CCSER1: variants seen among roughly 807,000 people sequenced by gnomAD.
CCSER1 encodes the protein coiled-coil serine rich protein 1.
CCSER1 carries 41 observed loss-of-function variants against 82.0 expected under a neutral mutation model. That is an observed-to-expected ratio of 0.50 (90% confidence interval 0.39 to 0.65). The LOEUF (loss-of-function observed/expected upper bound fraction) is 0.65, where lower values mean the gene tolerates loss of function less well. CCSER1 is among the 30% of genes least tolerant of loss of function. CCSER1 has a pLI of 0.00. For missense variants in CCSER1, 1,119 were observed against 1,064.2 expected (o/e 1.05, Z -0.72); for synonymous variants, 414 against 383.9 (o/e 1.08, Z -0.92).
At chr4:90,713,919 A>G (rs184263892) in intron 6 of CCSER1, among the ~76,000 whole-genome samples, 4 of 151,826 alleles carry the variant, frequency 2.6e-5, no homozygotes, top group East Asian at 1.9e-4. Context: ...ATTCTTTCCT[A>G]TGCTTGATCT....
intron 3 of CCSER1, among the ~76,000 whole-genome samples, chr4:90,384,245 C>G (rs59115830): frequency 0.019 from 2,914 of 151,234 alleles, 69 homozygotes; most frequent in African/African-American, 0.06. Flanking sequence ...CACCCATTAA[C>G]TCGTCATTTA....
Position 91,604,884 on chromosome 4 carries a change from G to A in CCSER1, c.*5827G>A, listed in dbSNP as rs927872840. 18 of 151,926 alleles carry A rather than the reference G, an allele frequency of 1.2e-4. 1 individual carries two copies. Among genetic ancestry groups the A allele is most frequent in the African/African-American group, 4.1e-4 (17 of 41,508 alleles). The allele number at this position is 151,926 out of a possible 1,614,324, so 9.4% of individuals were successfully genotyped here. A position where few individuals can be genotyped will look rare whatever the true frequency, so the allele number is the denominator to read the frequency against. The stretch of plus-strand genomic sequence containing the variant: ...TACCAAAATAATGTCTGAATAAGAC[G>A]TAATCCTGTCATGAGTTCTCTCTTC... On this transcript the variant is annotated 3_prime_UTR_variant, in exon 11 of 11. Transcript: ENST00000509176.
At chr4:91,594,618 C>A (rs1764470140) in intron 10 of CCSER1, among the ~76,000 whole-genome samples, 1 of 151,592 alleles carries the variant, frequency 6.6e-6, no homozygotes. Flanking sequence ...TAAACATATT[C>A]CAAAACATGT....
chr4:90,178,263 G>A (rs550243444), intron 1 of CCSER1, among the ~76,000 whole-genome samples: 1 of 151,960 alleles, frequency 6.6e-6, no homozygotes, highest in Non-Finnish European at 1.5e-5. Context: ...GGAATTTCAT[G>A]GTTGCTTTTG....
intron 4 of CCSER1, among the ~76,000 whole-genome samples, chr4:90,410,168 A>T (rs1287160385): frequency 6.6e-6 from 1 of 152,314 alleles, no homozygotes; most frequent in South Asian, 2.1e-4. Context: ...ATAGATTCCC[A>T]CACAATAATA....
chr4:90,835,417 C>T (rs1186219636), intron 8 of CCSER1, among the ~76,000 whole-genome samples: 1 of 152,158 alleles, frequency 6.6e-6, no homozygotes, highest in Non-Finnish European at 1.5e-5. Flanking sequence ...CATATTTGAG[C>T]TTCTAAATGC....
chr4:91,431,878 T>C (rs1754347293), intron 10 of CCSER1, among the ~76,000 whole-genome samples: 1 of 152,220 alleles, frequency 6.6e-6, no homozygotes, highest in Admixed American at 6.5e-5. Flanking sequence ...AGGTTTTTTT[T>C]TTCTTTATTG....
intron 1 of CCSER1, among the ~76,000 whole-genome samples, chr4:90,283,431 C>A (rs1729238856): frequency 6.6e-6 from 1 of 151,696 alleles, no homozygotes; most frequent in South Asian, 2.1e-4. Context: ...ATATAGCATG[C>A]AATGATCAAA....
chr4:90,923,260 C>A, intron 8 of CCSER1, 110 bp from the exon 9 acceptor site: 1 of 775,638 alleles, frequency 1.3e-6, no homozygotes, highest in Non-Finnish European at 2.2e-6. Context: ...AGCATATGCA[C>A]AGAGAAGAAC....
Position 90,309,422 on chromosome 4 carries a change from C to T in CCSER1, c.1138C>T (p.Gln380Ter). 1 of 1,613,728 alleles carries T rather than the reference C, an allele frequency of 6.2e-7. No individual in the cohort carries two copies. The stretch of plus-strand genomic sequence containing the variant: ...TGAAAGAGAAGAAAATATAGGGTTA[C>T]AAAATGGTGAAACAATGCTGGGGAC... ...DSEREENIGL[Q>*]NGETMLGTNS... Residue 380 changes from glutamine (Q) to a stop codon, truncating the protein, a stop_gained, in exon 2 of 11, where the codon CAA becomes TAA. Transcript: ENST00000509176. LOFTEE classifies it high-confidence loss of function.
chr4:91,598,685 C>T lies in CCSER1; in HGVS notation c.2331C>T (p.Pro777=). The T allele has an allele frequency of 3.2e-6, 5 of 1,551,500 alleles. No homozygotes were observed. The highest frequency in any genetic ancestry group is 4.4e-6 in the Non-Finnish European group (5 of 1,146,924). The change falls in exon 11 of 11, where the codon CCC becomes CCT. Residue 777 remains proline (P), a synonymous_variant. Transcript: ENST00000509176. ...FRYSAADQTS[P]YKNKTCQLPS... is the part of the protein sequence containing the mutation. ...ATTCGGCAGCGGACCAGACAAGCCCCTACAAAAACAAGACCTGTCAACTCC... is the reference window on the plus strand; with the variant it reads ...ATTCGGCAGCGGACCAGACAAGCCCTTACAAAAACAAGACCTGTCAACTCC...
intron 1 of CCSER1, among the ~76,000 whole-genome samples, chr4:90,153,646 G>A (rs1159940156): frequency 1.3e-5 from 2 of 152,126 alleles, no homozygotes; most frequent in African/African-American, 2.4e-5. Context: ...GTGATGGTGA[G>A]CATTTTTTCA....
At chr4:90,336,438 G>T (rs562758317) in intron 3 of CCSER1, among the ~76,000 whole-genome samples, 1 of 152,278 alleles carries the variant, frequency 6.6e-6, no homozygotes, top group Admixed American at 6.5e-5. Flanking sequence ...TGACAATTCT[G>T]TGCTTTCATT....
intron 1 of CCSER1, among the ~76,000 whole-genome samples, chr4:90,162,316 A>C (rs1729601913): frequency 6.6e-6 from 1 of 152,110 alleles, no homozygotes; most frequent in Non-Finnish European, 1.5e-5. Context: ...GATCACAATA[A>C]ATGCTAATGT....
intron 10 of CCSER1, among the ~76,000 whole-genome samples, chr4:91,501,654 G>A (rs1322651499): frequency 6.6e-6 from 1 of 151,446 alleles, no homozygotes; most frequent in Non-Finnish European, 1.5e-5. Flanking sequence ...CCTTTTTTCT[G>A]TACCTATACT....
intron 5 of CCSER1, among the ~76,000 whole-genome samples, chr4:90,502,037 A>G (rs910038297): frequency 2.0e-5 from 3 of 152,216 alleles, no homozygotes; most frequent in African/African-American, 7.2e-5. Context: ...AATATTTTAC[A>G]ACATATAAAA....
intron 10 of CCSER1, among the ~76,000 whole-genome samples, chr4:91,590,001 A>G (rs1397365691): frequency 6.6e-6 from 1 of 152,002 alleles, no homozygotes; most frequent in African/African-American, 2.4e-5. Context: ...CTAATTATAA[A>G]CAGAACAGTC....
chr4:90,726,733 G>C (rs568290894), intron 7 of CCSER1, among the ~76,000 whole-genome samples: 32 of 152,184 alleles, frequency 2.1e-4, no homozygotes, highest in African/African-American at 7.0e-4. Context: ...TTGCTAGAGT[G>C]GTTTGATTGG....
In CCSER1 at chr4:90,576,905, A is replaced by G. The variant is rs143865578; in HGVS notation, c.1725-51120A>G. Among the ~76,000 whole-genome samples the G allele has an allele frequency of 6.5e-3, 988 of 152,256 alleles. 17 individuals are homozygous for G. Among genetic ancestry groups the G allele is most frequent in the African/African-American group, 0.023 (941 of 41,564 alleles). On this transcript the variant is annotated intron_variant, in intron 5 of 10. Coordinates refer to ENST00000509176, the MANE Select transcript of CCSER1 (RefSeq NM_001145065.2). ...AAATACTAAGTAGTGCAATTGCTAG[A>G]TCATATAGTAAGTAAGAGTAGATTT...
Sources: gnomAD v4.1 joint callset for allele counts (sites outside exome capture counted in the v4.1 genomes callset) on GRCh38, gnomAD v4.1.1 for gene constraint, MANE v1.5 for transcripts, NCBI Gene and HGNC (gene_info 2026-07-23, HGNC 2026-07-21) for gene names.